FAF2: variants seen among roughly 807,000 people sequenced by gnomAD.
FAF2 encodes the protein Fas associated factor family member 2, also known as FAS-associated factor 2.
In FAF2, 9 loss-of-function variants were observed where a neutral mutation model predicts 62.3. The ratio of observed to expected loss-of-function variants is 0.14; its 90% confidence interval spans 0.09 to 0.25. The LOEUF (loss-of-function observed/expected upper bound fraction) is 0.25, where lower values mean the gene tolerates loss of function less well. Among genes scored for constraint, FAF2 ranks in the 10% least tolerant of loss-of-function variants. The probability of loss-of-function intolerance (pLI) is 1.00; values close to 1 mark genes in which losing one functional copy is unlikely to be tolerated. For missense variants in FAF2, 368 were observed against 556.2 expected, an observed-to-expected ratio of 0.66 and a Z score of 3.40; for synonymous variants, 202 against 198.0, an observed-to-expected ratio of 1.02 and a Z score of -0.17.
rs780444729 is a variant in FAF2, at chr5:176,499,017, C to T, written c.943C>T (p.Arg315Trp). Residue 315 changes from arginine (R) to tryptophan (W), a missense_variant, in exon 9 of 11, where the codon CGG becomes TGG. Transcript: ENST00000261942. ...QEKERKKREE[R>W]ERKRRKEEEV... The stretch of plus-strand genomic sequence containing the variant: ...GAAAGAAAGAAAGAAACGGGAGGAG[C>T]GGGAGCGTAAGCGGCGGAAGGAGGA... 1.8e-5 allele frequency: 29 copies of T among 1,612,878 alleles called. No homozygotes were observed. The highest frequency in any genetic ancestry group is 1.1e-4 in the South Asian group (10 of 90,966).
Position 176,500,036 on chromosome 5 carries a change from T to G in FAF2, c.1045T>G (p.Cys349Gly), listed in dbSNP as rs752092758. 1.2e-6 allele frequency: 2 copies of G among 1,614,206 alleles called. No individual in the cohort carries two copies. Among genetic ancestry groups the G allele is most frequent in the Non-Finnish European group, 1.7e-6 (2 of 1,180,038 alleles). ...GGAGGAAAAGGAAAGGAAGTTGGAA[T>G]GCCTGCCCCCTGAACCTTCCCCTGA... ...LQEEKERKLECLPPEPSPDDP... is the reference protein window; with the variant it reads ...LQEEKERKLEGLPPEPSPDDP... The change falls in exon 10 of 11, where the codon TGC becomes GGC. Residue 349 changes from cysteine (C) to glycine (G), a missense_variant. Around this residue, in one of 2 missense-constraint regions of FAF2, gnomAD observed 331 missense variants for 441.9 expected, o/e 0.75. Transcript: ENST00000261942.
intron 2 of FAF2, among the ~76,000 whole-genome samples, chr5:176,481,562 C>T (rs1157375727): frequency 2.6e-5 from 4 of 151,892 alleles, no homozygotes; most frequent in Non-Finnish European, 5.9e-5. Flanking sequence ...GAGGCTGAGG[C>T]AGGAGAATGA....
Position 176,448,427 on chromosome 5 carries a change from G to A in FAF2, c.20G>A (p.Arg7Gln). ...GGCAAAATGGCGGCGCCTGAGGAGCGGGATCTAACCCAGGAGCAGACAGAG... is the reference window on the plus strand; with the variant it reads ...GGCAAAATGGCGGCGCCTGAGGAGCAGGATCTAACCCAGGAGCAGACAGAG... MAAPEE[R>Q]DLTQEQTEKL... is the part of the protein sequence containing the mutation. Residue 7 changes from arginine to glutamine, a missense_variant, in exon 1 of 11, where the codon CGG becomes CAG. Coordinates refer to ENST00000261942, the MANE Select transcript of FAF2 (RefSeq NM_014613.3). 1 of 1,607,442 alleles carries A rather than the reference G, an allele frequency of 6.2e-7. No homozygotes were observed. Among genetic ancestry groups the A allele is most frequent in the East Asian group, 2.2e-5 (1 of 44,636 alleles).
At chr5:176,478,210 C>T (rs1313012950) in intron 1 of FAF2, among the ~76,000 whole-genome samples, 1 of 152,206 alleles carries the variant, frequency 6.6e-6, no homozygotes, top group Non-Finnish European at 1.5e-5. Context: ...ACTGCAGTGG[C>T]TCACACCTAT....
In FAF2 at chr5:176,510,060, A is replaced by G. The variant is rs1755750841; in HGVS notation, c.*3110A>G. 6.6e-6 allele frequency: 1 copy of G among 152,554 alleles called. No individual in the cohort carries two copies. Among genetic ancestry groups the G allele is most frequent in the South Asian group, 2.1e-4 (1 of 4,838 alleles). The allele number at this position is 152,554 out of a possible 1,614,324, so 9.5% of individuals were successfully genotyped here. On this transcript the variant is annotated 3_prime_UTR_variant, in exon 11 of 11. Coordinates refer to ENST00000261942, the MANE Select transcript of FAF2 (RefSeq NM_014613.3). ...ATTGTAGGTTAACATTAAATGTTTT[A>G]TAGCAAAAACTTCATAACAGGCTGT... is the stretch of plus-strand genomic sequence containing the variant.
intron 1 of FAF2, among the ~76,000 whole-genome samples, chr5:176,461,355 A>C (rs555782196): frequency 3.2e-4 from 36 of 113,084 alleles, no homozygotes; most frequent in African/African-American, 1.2e-3. Context: ...TTCTTGCTCT[A>C]TCTCTCAAGC....
At chr5:176,455,152 A>G (rs545390306) in intron 1 of FAF2, among the ~76,000 whole-genome samples, 1 of 152,346 alleles carries the variant, frequency 6.6e-6, no homozygotes, top group South Asian at 2.1e-4. Context: ...TTGAGATACA[A>G]CATTGTACAC....
At chr5:176,499,616 C>A (rs931196410) in intron 9 of FAF2, among the ~76,000 whole-genome samples, 3 of 144,428 alleles carry the variant, frequency 2.1e-5, no homozygotes, top group East Asian at 2.0e-4. Flanking sequence ...CCTTTTATTT[C>A]TTTTTTTTTT....
chr5:176,486,081 A>G lies in FAF2; in HGVS notation c.133-274A>G, dbSNP rs114426211. Among the ~76,000 whole-genome samples the G allele has an allele frequency of 7.5e-3, 1,148 of 152,280 alleles. 13 individuals carry two copies. The highest frequency in any genetic ancestry group is 0.026 in the African/African-American group (1,061 of 41,552). On this transcript the variant is annotated intron_variant, in intron 2 of 10. Coordinates refer to ENST00000261942, the MANE Select transcript of FAF2 (RefSeq NM_014613.3). ...ATATCCCAGCCACCCTAAATAATAC[A>G]TGCCATCTGAATCCAGGCAGTACGC...
chr5:176,460,513 CGTGTGTGTGTGTGTGTGT>C (rs747582699), intron 1 of FAF2, among the ~76,000 whole-genome samples: 39 of 132,658 alleles, frequency 2.9e-4, no homozygotes, highest in Middle Eastern at 3.9e-3. Flanking sequence ...TTTTTGGCCG[CGTGTGTGTGTGTGTGTGT>C]GTGTGTGTGT....
At chr5:176,450,288 A>G (rs1255857185) in intron 1 of FAF2, among the ~76,000 whole-genome samples, 1 of 152,174 alleles carries the variant, frequency 6.6e-6, no homozygotes, top group African/African-American at 2.4e-5. Context: ...GACCCAGCAA[A>G]TTATTATTAG....
chr5:176,470,403 C>T (rs1478329260), intron 1 of FAF2, among the ~76,000 whole-genome samples: 2 of 152,218 alleles, frequency 1.3e-5, no homozygotes, highest in African/African-American at 2.4e-5. Context: ...CATGGAGAAA[C>T]CCGGTGTGCA....
intron 1 of FAF2, among the ~76,000 whole-genome samples, chr5:176,454,577 G>GAAAAAAAAAAAAAAA (rs56324116): frequency 6.3e-5 from 6 of 95,306 alleles, no homozygotes; most frequent in Admixed American, 1.2e-4. Context: ...GATTCTGTCT[G>GAAAAAAAAAAAAAAA]AAAAAAAAAA....
intron 1 of FAF2, among the ~76,000 whole-genome samples, chr5:176,457,857 T>C (rs1758303634): frequency 6.6e-6 from 1 of 152,238 alleles, no homozygotes; most frequent in South Asian, 2.1e-4. Flanking sequence ...GGAATATTTT[T>C]AAATGTGTGT....
At chr5:176,505,554 G>T (rs1755662567) in intron 10 of FAF2, among the ~76,000 whole-genome samples, 1 of 152,088 alleles carries the variant, frequency 6.6e-6, no homozygotes, top group South Asian at 2.1e-4. Flanking sequence ...AGATTTTGGT[G>T]CACCCATCAC....
At chr5:176,456,603 A>G (rs866326080) in intron 1 of FAF2, among the ~76,000 whole-genome samples, 10 of 152,124 alleles carry the variant, frequency 6.6e-5, no homozygotes, top group Admixed American at 3.3e-4. Context: ...TGCTGGAATT[A>G]CGGGTGTGAG....
At chr5:176,495,427 T>C (rs1263113550) in intron 7 of FAF2, among the ~76,000 whole-genome samples, 2 of 151,882 alleles carry the variant, frequency 1.3e-5, no homozygotes, top group Non-Finnish European at 2.9e-5. Flanking sequence ...TTAATAGAAG[T>C]TTATAAAATC....
At chr5:176,448,907 CA>C (rs1758116635) in intron 1 of FAF2, among the ~76,000 whole-genome samples, 1 of 152,304 alleles carries the variant, frequency 6.6e-6, no homozygotes, top group African/African-American at 2.4e-5. Flanking sequence ...TACACTCCCA[CA>C]AACTGGGGCC....
At chr5:176,489,299 C>G (rs1013287658) in intron 4 of FAF2, among the ~76,000 whole-genome samples, 9 of 148,478 alleles carry the variant, frequency 6.1e-5, no homozygotes, top group South Asian at 2.3e-4. Context: ...CCCTCCCCCC[C>G]CCACCATATT....
Sources: gnomAD v4.1 joint callset for allele counts (sites outside exome capture counted in the v4.1 genomes callset) on GRCh38, gnomAD v4.1.1 for gene constraint, gnomAD v4.1.1 regional missense constraint, MANE v1.5 for transcripts, NCBI Gene and HGNC (gene_info 2026-07-23, HGNC 2026-07-21) for gene names.